ROBO1: variants seen among roughly 807,000 people sequenced by gnomAD.
The protein encoded by ROBO1 is roundabout homolog 1.
A neutral mutation model predicts 195.9 loss-of-function variants in ROBO1; 149 were observed. That is an observed-to-expected ratio of 0.76 (90% CI 0.67 to 0.87). The LOEUF is 0.87. Ranked by LOEUF, ROBO1 falls within the 40% of genes least tolerant of loss-of-function variation. The pLI is 0.00. For missense variants in ROBO1, 1,933 were observed against 2,068.3 expected (o/e 0.93, Z 1.27); for synonymous variants, 816 against 733.2 (o/e 1.11, Z -1.82).
At chr3:79,409,809 G>C (rs1272176228) in intron 2 of ROBO1, among the ~76,000 whole-genome samples, 3 of 152,094 alleles carry the variant, frequency 2.0e-5, no homozygotes, top group Admixed American at 6.6e-5. Context: ...TCACCTCTTA[G>C]AAAGTCAATT....
At chr3:79,018,536 G>A (rs2078014992) in intron 3 of ROBO1, 1 of 1,595,910 alleles carries the variant, frequency 6.3e-7, no homozygotes, top group Non-Finnish European at 8.5e-7. Context: ...AATGTATGAA[G>A]CCACACACCA....
At chr3:78,785,490 T>C (rs2083806949) in intron 4 of ROBO1, among the ~76,000 whole-genome samples, 1 of 152,190 alleles carries the variant, frequency 6.6e-6, no homozygotes, top group Non-Finnish European at 1.5e-5. Flanking sequence ...TGGATTTTTC[T>C]TTTTTACTGT....
chr3:79,062,658 C>G (rs1468145102), intron 3 of ROBO1, among the ~76,000 whole-genome samples: 1 of 152,150 alleles, frequency 6.6e-6, no homozygotes, highest in East Asian at 1.9e-4. Context: ...CCATGGAATA[C>G]TATGCAGCCA....
intron 2 of ROBO1, among the ~76,000 whole-genome samples, chr3:79,150,611 A>G (rs1295503099): frequency 6.6e-6 from 1 of 151,872 alleles, no homozygotes; most frequent in Non-Finnish European, 1.5e-5. Flanking sequence ...ACAATTCAGC[A>G]TACAGGCCCC....
intron 4 of ROBO1, among the ~76,000 whole-genome samples, chr3:78,786,931 G>A (rs947904262): frequency 6.6e-6 from 1 of 152,284 alleles, no homozygotes; most frequent in East Asian, 1.9e-4. Context: ...CACTCAAAAT[G>A]ACAGTTAATG....
intron 1 of ROBO1, among the ~76,000 whole-genome samples, chr3:79,650,842 A>G (rs1173913467): frequency 6.6e-6 from 1 of 151,994 alleles, no homozygotes; most frequent in African/African-American, 2.4e-5. Flanking sequence ...CAGAAAAAAT[A>G]AAAACAAAAC....
chr3:79,127,555 T>A (rs1409807510), intron 2 of ROBO1, among the ~76,000 whole-genome samples: 1 of 152,206 alleles, frequency 6.6e-6, no homozygotes, highest in Non-Finnish European at 1.5e-5. Flanking sequence ...TTCTAATCAC[T>A]CTGTTACAAA....
chr3:79,762,493 T>TTTTTTTTTTTTTTTTTTTTTTTTTTTG (rs1704754177), intron 1 of ROBO1, among the ~76,000 whole-genome samples: 1 of 151,830 alleles, frequency 6.6e-6, no homozygotes, highest in Non-Finnish European at 1.5e-5. Flanking sequence ...GAGGAATACT[T>TTTTTTTTTTTTTTTTTTTTTTTTTTTG]AAACCTATTT....
At chr3:79,340,093 T>A (rs2109219446) in intron 2 of ROBO1, among the ~76,000 whole-genome samples, 1 of 152,322 alleles carries the variant, frequency 6.6e-6, no homozygotes, top group East Asian at 1.9e-4. Context: ...TAGAGTTGCT[T>A]GCTGCAGCAC....
intron 2 of ROBO1, among the ~76,000 whole-genome samples, chr3:79,473,401 T>C (rs1041177042): frequency 7.2e-5 from 11 of 152,106 alleles, no homozygotes; most frequent in Admixed American, 2.0e-4. Flanking sequence ...TATTAGCATG[T>C]TGGGTAAAAA....
At chr3:79,270,016 TTAATCATGA>T (rs2030376138) in intron 2 of ROBO1, among the ~76,000 whole-genome samples, 1 of 151,800 alleles carries the variant, frequency 6.6e-6, no homozygotes. Context: ...AAGAAACAAA[TTAATCATGA>T]TACAAAGTGT....
chr3:79,617,292 C>T (rs1335296072), intron 1 of ROBO1, among the ~76,000 whole-genome samples: 1 of 152,064 alleles, frequency 6.6e-6, no homozygotes, highest in East Asian at 1.9e-4. Flanking sequence ...CTGAATTTCA[C>T]AACCAAATAA....
In ROBO1 at chr3:79,069,311, T is replaced by C. The variant is rs540133804; in HGVS notation, c.172+56145A>G. On this transcript the variant is annotated intron_variant, in intron 3 of 30. Transcript: ENST00000464233. ...ATTTATTTATTTACATTTATTGTTTTGGAACCTGTCATTTCAGATTGTGTA... is the reference window on the plus strand; with the variant it reads ...ATTTATTTATTTACATTTATTGTTTCGGAACCTGTCATTTCAGATTGTGTA... Among the ~76,000 whole-genome samples, 14 of 152,028 alleles carry C rather than the reference T, an allele frequency of 9.2e-5. No homozygotes were observed. The South Asian group carries it at 2.9e-3, about 32-fold the overall frequency.
intron 2 of ROBO1, among the ~76,000 whole-genome samples, chr3:79,247,110 A>G: frequency 6.8e-6 from 1 of 146,916 alleles, no homozygotes; most frequent in Admixed American, 6.8e-5. Flanking sequence ...GGAGAAAAGC[A>G]TTAAGGCTCC....
chr3:78,738,100 G>C (rs558236694), intron 5 of ROBO1, among the ~76,000 whole-genome samples: 10 of 152,296 alleles, frequency 6.6e-5, no homozygotes, highest in African/African-American at 2.2e-4. Flanking sequence ...CGAAGGAAGG[G>C]AGGAGAAGCA....
intron 4 of ROBO1, among the ~76,000 whole-genome samples, chr3:78,781,514 T>C (rs1253335411): frequency 6.6e-6 from 1 of 152,162 alleles, no homozygotes; most frequent in Non-Finnish European, 1.5e-5. Flanking sequence ...TGCTCAGGGG[T>C]TAAAATCATT....
chr3:79,620,623 C>T (rs192204237), intron 1 of ROBO1, among the ~76,000 whole-genome samples: 76 of 152,148 alleles, frequency 5.0e-4, no homozygotes, highest in African/African-American at 1.6e-3. Context: ...TGGGCTACAG[C>T]CACACCTCAT....
intron 2 of ROBO1, among the ~76,000 whole-genome samples, chr3:79,455,511 G>A (rs1362563481): frequency 6.6e-6 from 1 of 152,042 alleles, no homozygotes; most frequent in Non-Finnish European, 1.5e-5. Context: ...TTTCAGTAAT[G>A]AAGTGTTTAA....
chr3:79,335,471 C>T (rs1244818801), intron 2 of ROBO1, among the ~76,000 whole-genome samples: 2 of 152,040 alleles, frequency 1.3e-5, no homozygotes, highest in African/African-American at 2.4e-5. Flanking sequence ...ACTGAGGTCT[C>T]GTGTGATCTG....
Sources: allele counts gnomAD v4.1 joint callset (sites outside exome capture counted in the v4.1 genomes callset), GRCh38; gene constraint gnomAD v4.1.1; transcripts MANE v1.5; gene names NCBI Gene and HGNC (gene_info 2026-07-23, HGNC 2026-07-21).